SYN3: variants seen among roughly 807,000 people sequenced by gnomAD.
The protein encoded by SYN3 is synapsin III.
In SYN3, 35 loss-of-function variants were observed where a neutral mutation model predicts 65.8. The ratio of observed to expected loss-of-function variants is 0.53; its 90% confidence interval spans 0.41 to 0.70. The LOEUF (loss-of-function observed/expected upper bound fraction) is 0.70. Among genes scored for constraint, SYN3 ranks in the 30% least tolerant of loss-of-function variants. SYN3 has a pLI of 0.00. For missense variants in SYN3, 680 were observed against 749.0 expected, an observed-to-expected ratio of 0.91 and a Z score of 1.08; for synonymous variants, 270 against 292.9, an observed-to-expected ratio of 0.92 and a Z score of 0.80.
intron 1 of SYN3, among the ~76,000 whole-genome samples, chr22:33,033,570 T>A (rs2053793873): frequency 6.6e-6 from 1 of 152,130 alleles, no homozygotes; most frequent in East Asian, 1.9e-4. Context: ...CCTGGGACCC[T>A]TCTCACTCAG....
At chr22:32,664,695 A>G (rs1368743503) in intron 6 of SYN3, among the ~76,000 whole-genome samples, 1 of 140,698 alleles carries the variant, frequency 7.1e-6, no homozygotes, top group Non-Finnish European at 1.5e-5. Context: ...GGTTCATGCC[A>G]TTCTCCTGCC....
At chr22:32,864,181 C>T (rs1045008643) in intron 6 of SYN3, among the ~76,000 whole-genome samples, 72 of 152,304 alleles carry the variant, frequency 4.7e-4, no homozygotes, top group African/African-American at 1.5e-3. Context: ...TTCCCAAAGA[C>T]GCATTCCCTG....
At chr22:32,771,449 C>A (rs1354717260) in intron 6 of SYN3, among the ~76,000 whole-genome samples, 2 of 152,234 alleles carry the variant, frequency 1.3e-5, no homozygotes, top group Admixed American at 6.5e-5. Context: ...ACAGTGGCCC[C>A]TGCCCAGGCT....
At chr22:32,831,161 T>C (rs527431269) in intron 6 of SYN3, among the ~76,000 whole-genome samples, 2 of 152,288 alleles carry the variant, frequency 1.3e-5, no homozygotes, top group South Asian at 4.1e-4. Flanking sequence ...CTCAAGCATG[T>C]CCTTCAGGAG....
At chr22:32,671,777 A>C (rs2060373536) in intron 6 of SYN3, among the ~76,000 whole-genome samples, 1 of 149,404 alleles carries the variant, frequency 6.7e-6, no homozygotes, top group Non-Finnish European at 1.5e-5. Flanking sequence ...ACACAGGTGC[A>C]CACACACATG....
chr22:32,629,168 C>T (rs2059712175), intron 6 of SYN3, among the ~76,000 whole-genome samples: 1 of 152,138 alleles, frequency 6.6e-6, no homozygotes, highest in African/African-American at 2.4e-5. Context: ...TGGATTTGAG[C>T]GTGGGATCTG....
At chr22:32,979,053 C>A (rs550980599) in intron 3 of SYN3, among the ~76,000 whole-genome samples, 1 of 151,836 alleles carries the variant, frequency 6.6e-6, no homozygotes, top group African/African-American at 2.4e-5. Context: ...AAAAATTAGC[C>A]GGGCATGGTG....
In SYN3 at chr22:32,555,784, AGGAAG is replaced by A. The variant is rs1380895069; in HGVS notation, c.775-14076_775-14072del. ...ATGCTTGTTTTCCTGTTTTTATAAC[AGGAAG>A]GCATGCATCCAGCTCATTCCAAAGG... On this transcript the variant is annotated intron_variant, in intron 7 of 13. Coordinates refer to ENST00000358763, the MANE Select transcript of SYN3 (RefSeq NM_003490.4). Among the ~76,000 whole-genome samples the A allele has an allele frequency of 2.0e-5, 3 of 152,184 alleles. No individual in the cohort carries two copies. In the East Asian group the frequency reaches 5.8e-4, roughly 29 times the overall value.
At chr22:32,947,783 C>T (rs918460113) in intron 3 of SYN3, among the ~76,000 whole-genome samples, 2 of 152,156 alleles carry the variant, frequency 1.3e-5, no homozygotes, top group African/African-American at 4.8e-5. Context: ...AAATTTAATG[C>T]CTTCAAACAA....
At chr22:32,802,507 T>C (rs958605934) in intron 6 of SYN3, among the ~76,000 whole-genome samples, 8 of 146,820 alleles carry the variant, frequency 5.4e-5, no homozygotes, top group Admixed American at 4.0e-4. Context: ...GGAAATTGAA[T>C]AGTTAAAAAA....
At chr22:32,653,382 T>C (rs1217232504) in intron 6 of SYN3, among the ~76,000 whole-genome samples, 2 of 152,200 alleles carry the variant, frequency 1.3e-5, no homozygotes, top group East Asian at 3.9e-4. Flanking sequence ...AGTTGATGTC[T>C]GCCTTACCTT....
At chr22:32,653,113 C>T (rs1478005078) in intron 6 of SYN3, among the ~76,000 whole-genome samples, 1 of 152,106 alleles carries the variant, frequency 6.6e-6, no homozygotes, top group African/African-American at 2.4e-5. Context: ...GTCATTTCTT[C>T]CCAGAATGAC....
intron 3 of SYN3, among the ~76,000 whole-genome samples, chr22:32,950,870 G>A (rs1364980261): frequency 1.3e-5 from 2 of 152,136 alleles, no homozygotes; most frequent in African/African-American, 4.8e-5. Flanking sequence ...AACCTATAAT[G>A]AGGGGTGTAG....
intron 1 of SYN3, among the ~76,000 whole-genome samples, chr22:33,055,658 G>A (rs922165911): frequency 4.6e-5 from 7 of 152,150 alleles, no homozygotes; most frequent in African/African-American, 1.7e-4. Context: ...TGTTACGAAG[G>A]GAGAATAAAA....
rs185061494 is a variant in SYN3 at position 32,956,072 on chromosome 22, A to G, written c.369+24573T>C. Among the ~76,000 whole-genome samples, 297 of 147,896 alleles carry G rather than the reference A, an allele frequency of 2.0e-3. 3 individuals are homozygous for G. The highest frequency in any genetic ancestry group is 7.2e-3 in the African/African-American group (282 of 39,396). On this transcript the variant is annotated intron_variant, in intron 3 of 13. Coordinates refer to ENST00000358763, the MANE Select transcript of SYN3 (RefSeq NM_003490.4). ...TATATATATATATATAAAATCTCCT[A>G]TTAGTTCTGTCCCTGTAGAGAACCC...
chr22:33,022,630 C>G (rs1286424937), intron 1 of SYN3, among the ~76,000 whole-genome samples: 1 of 152,164 alleles, frequency 6.6e-6, no homozygotes, highest in African/African-American at 2.4e-5. Flanking sequence ...GCTTTGGAAA[C>G]AGGATTTGTA....
chr22:32,660,260 C>G (rs1440318934), intron 6 of SYN3, among the ~76,000 whole-genome samples: 1 of 152,206 alleles, frequency 6.6e-6, no homozygotes, highest in Admixed American at 6.5e-5. Flanking sequence ...AGGAGGACTC[C>G]TTAAAAGGCG....
chr22:32,549,337 T>C (rs749692408), intron 7 of SYN3, among the ~76,000 whole-genome samples: 1 of 152,120 alleles, frequency 6.6e-6, no homozygotes, highest in Non-Finnish European at 1.5e-5. Flanking sequence ...TACTGTAGCT[T>C]CAACCTCCTG....
At chr22:32,827,204 G>A (rs1347680569) in intron 6 of SYN3, among the ~76,000 whole-genome samples, 1 of 152,202 alleles carries the variant, frequency 6.6e-6, no homozygotes, top group Non-Finnish European at 1.5e-5. Context: ...GTGACTTTGC[G>A]TGGAGTGTCA....
Sources: allele counts gnomAD v4.1 joint callset (sites outside exome capture counted in the v4.1 genomes callset), GRCh38; gene constraint gnomAD v4.1.1; transcripts MANE v1.5; gene names NCBI Gene and HGNC (gene_info 2026-07-23, HGNC 2026-07-21).